BTAF1: variants seen among roughly 807,000 people sequenced by gnomAD.
BTAF1 encodes the protein TATA-binding protein-associated factor 172.
A neutral mutation model predicts 227.1 loss-of-function variants in BTAF1; 38 were observed. The observed-to-expected ratio is 0.17, with a 90% CI of 0.13 to 0.22. BTAF1 has a LOEUF of 0.22. Ranked by LOEUF, BTAF1 falls within the 10% of genes least tolerant of loss-of-function variation. The pLI, the probability that BTAF1 is intolerant of heterozygous loss-of-function variation, is 1.00. For synonymous variants in BTAF1, 742 were observed against 751.9 expected (o/e 0.99, Z 0.21); for missense variants, 1,598 against 2,204.0 (o/e 0.73, Z 5.51).
chr10:92,012,034 T>C (rs1049169064), intron 30 of BTAF1, among the ~76,000 whole-genome samples: 1 of 149,760 alleles, frequency 6.7e-6, no homozygotes, highest in Non-Finnish European at 1.5e-5. Context: ...CTTTAAAAAC[T>C]GATGATTCTT....
rs1240339381 is a variant in BTAF1 at position 91,959,768 on chromosome 10, ATATT to A, written c.991-16_991-13del. 5.8e-6 allele frequency: 4 copies of A among 694,258 alleles called. No individual in the cohort carries two copies. In the East Asian group the frequency reaches 1.1e-4, roughly 19 times the overall value. The allele number at this position is 694,258 out of a possible 1,614,324, so 43.0% of individuals were successfully genotyped here. A position where few individuals can be genotyped will look rare whatever the true frequency, so the allele number is the denominator to read the frequency against. On this transcript the variant is annotated splice_polypyrimidine_tract_variant and intron_variant, in intron 9 of 37. Coordinates refer to ENST00000265990, the MANE Select transcript of BTAF1 (RefSeq NM_003972.3). ...TATATATATATATATATATATATAT[ATATT>A]ATATTTTAACAGATGATTCAGCAGC...
At chr10:91,950,703 G>C (rs1197743974) in intron 4 of BTAF1, among the ~76,000 whole-genome samples, 1 of 152,056 alleles carries the variant, frequency 6.6e-6, no homozygotes, top group Admixed American at 6.6e-5. Context: ...TACACTTGGA[G>C]TAAGCATTTG....
chr10:91,974,757 C>T (rs1847563457), intron 14 of BTAF1, among the ~76,000 whole-genome samples: 1 of 152,088 alleles, frequency 6.6e-6, no homozygotes, highest in African/African-American at 2.4e-5. Flanking sequence ...GAGGTTGAGA[C>T]AGGAGAATCA....
intron 19 of BTAF1, among the ~76,000 whole-genome samples, chr10:91,986,134 A>G (rs1431917665): frequency 6.6e-6 from 1 of 151,356 alleles, no homozygotes; most frequent in African/African-American, 2.5e-5. Flanking sequence ...ATGTTTGTGT[A>G]TAGTATGAAG....
chr10:92,004,467 GT>G (rs1362018516), intron 25 of BTAF1, among the ~76,000 whole-genome samples: 2 of 152,048 alleles, frequency 1.3e-5, no homozygotes, highest in Non-Finnish European at 2.9e-5. Context: ...TGTTTTGATT[GT>G]TTTGGGTTTT....
At chr10:91,969,579 G>A (rs973087353) in intron 14 of BTAF1, among the ~76,000 whole-genome samples, 1 of 152,196 alleles carries the variant, frequency 6.6e-6, no homozygotes, top group Non-Finnish European at 1.5e-5. Flanking sequence ...CCTCTCTGCT[G>A]TCAATTGTGA....
chr10:91,935,321 C>T (rs1394234820), intron 1 of BTAF1, among the ~76,000 whole-genome samples: 2 of 152,166 alleles, frequency 1.3e-5, no homozygotes, highest in African/African-American at 2.4e-5. Flanking sequence ...TGCAGTGCCA[C>T]AGAACACTAG....
Position 91,935,647 on chromosome 10 carries a change from G to C in BTAF1, c.15-10G>C. On this transcript the variant is annotated splice_polypyrimidine_tract_variant and intron_variant, in intron 1 of 37. Coordinates refer to ENST00000265990, the MANE Select transcript of BTAF1 (RefSeq NM_003972.3). The stretch of plus-strand genomic sequence containing the variant: ...ATTTGAGAATAACCATTGTATTTTT[G>C]TTATTTCAGGCTAGATCGCCTTTTT... 1 of 1,610,132 alleles carries C rather than the reference G, an allele frequency of 6.2e-7. No homozygotes were observed. Among genetic ancestry groups the C allele is most frequent in the South Asian group, 1.1e-5 (1 of 90,556 alleles).
chr10:91,943,245 C>A (rs571613456), intron 4 of BTAF1, among the ~76,000 whole-genome samples: 1 of 150,504 alleles, frequency 6.6e-6, no homozygotes, highest in African/African-American at 2.5e-5. Context: ...ACTTGGGAGG[C>A]GGAGGTTGCA....
intron 25 of BTAF1, among the ~76,000 whole-genome samples, chr10:91,998,127 CAA>C (rs55642022): frequency 1.1e-3 from 108 of 99,358 alleles, no homozygotes; most frequent in Non-Finnish European, 1.5e-3. Flanking sequence ...GACTCCATCT[CAA>C]AAAAAAAAAA....
Position 91,956,619 on chromosome 10 carries a change from A to G in BTAF1, c.793A>G (p.Ile265Val). 1.2e-6 allele frequency: 2 copies of G among 1,610,200 alleles called. No individual in the cohort carries two copies. The highest frequency in any genetic ancestry group is 2.2e-5 in the South Asian group (2 of 90,388). Reference protein sequence around the residue: ...NQSANDSKVLIDNIPDSSSLI... With the variant: ...NQSANDSKVLVDNIPDSSSLI... ...GTCTGCAAATGATTCCAAAGTCTTG[A>G]TTGATAATATTCCAGACAGCTCTTC... is the stretch of plus-strand genomic sequence containing the variant. Residue 265 changes from isoleucine (I) to valine (V), a missense_variant, in exon 7 of 38, where the codon ATT becomes GTT. Physicochemically the swap from Ile to Val is conservative, Grantham distance 29 (BLOSUM62 3). This residue lies in a region of BTAF1 where 298 missense variants were observed against 395.2 expected (regional missense o/e 0.75). Coordinates refer to ENST00000265990, the MANE Select transcript of BTAF1 (RefSeq NM_003972.3).
At position 92,013,792 on chromosome 10, in the gene BTAF1, T is replaced by A. The variant is rs754346364; in HGVS notation, c.4437T>A (p.Ser1479Arg). The A allele has an allele frequency of 5.0e-6, 8 of 1,614,002 alleles. No individual in the cohort carries two copies. Among genetic ancestry groups the A allele is most frequent in the Non-Finnish European group, 6.8e-6 (8 of 1,180,002 alleles). Residue 1479 changes from serine to arginine, a missense_variant, in exon 31 of 38, where the codon AGT (serine) becomes AGA (arginine). Ser to Arg is a moderately radical substitution (Grantham distance 110). Around this residue, in one of 10 missense-constraint regions of BTAF1, gnomAD observed 184 missense variants for 341.1 expected, o/e 0.54. Coordinates refer to ENST00000265990, the MANE Select transcript of BTAF1 (RefSeq NM_003972.3). Reference protein sequence around the residue: ...ILASRDARSSSREQEAGVLAM... With the variant: ...ILASRDARSSRREQEAGVLAM... ...CAAGTAGGGATGCTCGAAGCTCCAG[T>A]CGAGAGCAAGAAGCAGGTATGAAAG...
intron 6 of BTAF1, 92 bp from the exon 7 acceptor site, chr10:91,956,436 C>A: frequency 7.4e-7 from 1 of 1,344,588 alleles, no homozygotes. Flanking sequence ...ATCTTAAATT[C>A]ATTGTGATTC....
intron 23 of BTAF1, among the ~76,000 whole-genome samples, chr10:91,995,250 C>T (rs971986729): frequency 6.6e-6 from 1 of 151,974 alleles, no homozygotes; most frequent in African/African-American, 2.4e-5. Context: ...AGGGTATTAG[C>T]CCAGTTCTCT....
At chr10:91,951,013 A>G (rs1845736673) in intron 4 of BTAF1, among the ~76,000 whole-genome samples, 1 of 151,652 alleles carries the variant, frequency 6.6e-6, no homozygotes, top group South Asian at 2.1e-4. Flanking sequence ...TTTTATAGAG[A>G]TGGGGTCTCC....
At chr10:91,998,926 G>A (rs1311811810) in intron 25 of BTAF1, among the ~76,000 whole-genome samples, 1 of 151,974 alleles carries the variant, frequency 6.6e-6, no homozygotes, top group Non-Finnish European at 1.5e-5. Flanking sequence ...TGTGGGGCGT[G>A]GTGGCACACA....
chr10:91,931,390 A>G (rs572621099), intron 1 of BTAF1, among the ~76,000 whole-genome samples: 1 of 152,292 alleles, frequency 6.6e-6, no homozygotes, highest in Admixed American at 6.5e-5. Context: ...AGTCTTTGGT[A>G]CCTTCCATGC....
rs1850523637 is a variant in BTAF1, at chr10:92,013,794, G to A, written c.4439G>A (p.Arg1480Gln). The A allele has an allele frequency of 2.5e-6, 4 of 1,613,994 alleles. No individual in the cohort carries two copies. Among genetic ancestry groups the A allele is most frequent in the African/African-American group, 1.3e-5 (1 of 75,040 alleles). ...LASRDARSSS[R>Q]EQEAGVLAMD... ...AGTAGGGATGCTCGAAGCTCCAGTC[G>A]AGAGCAAGAAGCAGGTATGAAAGAG... is the stretch of plus-strand genomic sequence containing the variant. The change falls in exon 31 of 38, where the codon CGA becomes CAA. Residue 1480 changes from arginine to glutamine, a missense_variant. Physicochemically the swap from Arg to Gln is conservative, Grantham distance 43 (BLOSUM62 1). Coordinates refer to ENST00000265990, the MANE Select transcript of BTAF1 (RefSeq NM_003972.3).
chr10:91,941,754 T>C (rs748326128), intron 3 of BTAF1, among the ~76,000 whole-genome samples: 5 of 152,254 alleles, frequency 3.3e-5, no homozygotes, highest in African/African-American at 7.2e-5. Flanking sequence ...TTTTAAACTC[T>C]TAACAGTAAG....
Sources: allele counts gnomAD v4.1 joint callset (sites outside exome capture counted in the v4.1 genomes callset), GRCh38; gene constraint gnomAD v4.1.1; regional missense constraint gnomAD v4.1.1; transcripts MANE v1.5; gene names NCBI Gene and HGNC (gene_info 2026-07-23, HGNC 2026-07-21).